The following UBE2D1 variants were observed in gnomAD, a reference collection of about 807,000 sequenced individuals.
UBE2D1 encodes ubiquitin conjugating enzyme E2 D1.
In UBE2D1, 9 loss-of-function variants were observed where a neutral mutation model predicts 24.6. The ratio of observed to expected loss-of-function variants is 0.37; its 90% confidence interval spans 0.22 to 0.64. The LOEUF (loss-of-function observed/expected upper bound fraction) is 0.64, where lower values mean the gene tolerates loss of function less well. Among genes scored for constraint, UBE2D1 ranks in the 30% least tolerant of loss-of-function variants. The probability of loss-of-function intolerance (pLI) is 0.64; values close to 1 mark genes in which losing one functional copy is unlikely to be tolerated. For synonymous variants in UBE2D1, 57 were observed against 57.6 expected (o/e 0.99, Z 0.04); for missense variants, 87 against 177.1 (o/e 0.49, Z 2.89).
At position 58,370,664 on chromosome 10, in the gene UBE2D1, A is replaced by AAC. The variant is rs1491445202; in HGVS notation, c.*1900_*1901insCA. ...TTTCTTGAATATCTTCACTTTAAAC[A>AAC]AAAAAAAAAAACAACTTTCATTTGT... On this transcript the variant is annotated 3_prime_UTR_variant, in exon 7 of 7. Coordinates refer to ENST00000373910, the MANE Select transcript of UBE2D1 (RefSeq NM_003338.5). The AAC allele has an allele frequency of 8.7e-5, 3 of 34,426 alleles. No homozygotes were observed. The highest frequency in any genetic ancestry group is 5.7e-4 in the African/African-American group (3 of 5,234). The allele number at this position is 34,426 out of a possible 1,614,324, so 2.1% of individuals were successfully genotyped here. A position where few individuals can be genotyped will look rare whatever the true frequency, so the allele number is the denominator to read the frequency against.
At chr10:58,344,053 T>A (rs1426754012) in intron 1 of UBE2D1, among the ~76,000 whole-genome samples, 1 of 152,174 alleles carries the variant, frequency 6.6e-6, no homozygotes. Context: ...TCCTGTAAAG[T>A]TTTTCTTGAC....
intron 5 of UBE2D1, among the ~76,000 whole-genome samples, chr10:58,367,302 A>T (rs1017048200): frequency 6.3e-4 from 95 of 149,736 alleles, no homozygotes; most frequent in African/African-American, 2.2e-3. Context: ...TTAGATCGTT[A>T]GTGTGTGTGT....
intron 1 of UBE2D1, among the ~76,000 whole-genome samples, chr10:58,356,116 T>G (rs1182538274): frequency 6.6e-6 from 1 of 152,140 alleles, no homozygotes; most frequent in South Asian, 2.1e-4. Flanking sequence ...AGTGGGATAT[T>G]TTATCTTTTA....
At chr10:58,368,087 C>T in intron 6 of UBE2D1, 71 bp downstream of exon 6, 1 of 1,077,276 alleles carries the variant, frequency 9.3e-7, no homozygotes. Context: ...CGAATATTAT[C>T]AATATGTTTT....
intron 1 of UBE2D1, among the ~76,000 whole-genome samples, chr10:58,349,242 TC>T (rs1258339429): frequency 1.3e-5 from 2 of 152,180 alleles, no homozygotes; most frequent in Non-Finnish European, 2.9e-5. Flanking sequence ...TTTAGATACT[TC>T]TAGCTAGTTT....
rs750452607 is a variant in UBE2D1 at position 58,363,709 on chromosome 10, T to C, written c.198+23T>C. 4 of 1,515,088 alleles carry C rather than the reference T, an allele frequency of 2.6e-6. No individual in the cohort carries two copies. In the South Asian group the frequency reaches 4.6e-5, roughly 17 times the overall value. 93.9% of individuals were successfully genotyped at this position (1,515,088 alleles called of 1,614,324 possible). ...AAGGTATTTTTATTTTTATGATTGA[T>C]GTGACTCCCATGTAAGAGATTTTAT... is the stretch of plus-strand genomic sequence containing the variant. On this transcript the variant is annotated intron_variant, in intron 4 of 6. Transcript: ENST00000373910.
chr10:58,368,811 G>T lies in UBE2D1; in HGVS notation c.*46G>T, dbSNP rs768809006. 8 of 1,387,716 alleles carry T rather than the reference G, an allele frequency of 5.8e-6. 1 individual carries two copies. Among genetic ancestry groups the T allele is most frequent in the South Asian group, 5.5e-5 (4 of 72,574 alleles). The allele number at this position is 1,387,716 out of a possible 1,614,324, so 86.0% of individuals were successfully genotyped here. A position where few individuals can be genotyped will look rare whatever the true frequency, so the allele number is the denominator to read the frequency against. ...TATACCAGAGTACTGTAAAATCTAG[G>T]TTTTTTTCAACATTAGCAGTAAATT... is the stretch of plus-strand genomic sequence containing the variant. On this transcript the variant is annotated 3_prime_UTR_variant, in exon 7 of 7. Transcript: ENST00000373910.
intron 1 of UBE2D1, among the ~76,000 whole-genome samples, chr10:58,352,768 T>G (rs1443210785): frequency 6.6e-6 from 1 of 152,192 alleles, no homozygotes; most frequent in Non-Finnish European, 1.5e-5. Flanking sequence ...ATATATCAGT[T>G]TCTATTTTTG....
At position 58,369,423 on chromosome 10, in the gene UBE2D1, T is replaced by A. The variant is rs924033725; in HGVS notation, c.*658T>A. ...AACACTTGTTTTGATTTTGTTATAC[T>A]TGACTTAACTTTATTGCAATGTGAA... On this transcript the variant is annotated 3_prime_UTR_variant, in exon 7 of 7. Coordinates refer to ENST00000373910, the MANE Select transcript of UBE2D1 (RefSeq NM_003338.5). 2.6e-5 allele frequency: 4 copies of A among 152,076 alleles called. No individual in the cohort carries two copies. Among genetic ancestry groups the A allele is most frequent in the African/African-American group, 7.2e-5 (3 of 41,412 alleles). 9.4% of individuals were successfully genotyped at this position (152,076 alleles called of 1,614,324 possible). A position where few individuals can be genotyped will look rare whatever the true frequency, so the allele number is the denominator to read the frequency against.
chr10:58,356,779 T>A (rs1564560756), intron 1 of UBE2D1, among the ~76,000 whole-genome samples: 1 of 152,240 alleles, frequency 6.6e-6, no homozygotes, highest in Non-Finnish European at 1.5e-5. Context: ...TTGTGGGTGC[T>A]TAACTATACA....
chr10:58,367,758 A>T (rs1373439863), intron 5 of UBE2D1, among the ~76,000 whole-genome samples, 165 bp from the exon 6 acceptor site: 1 of 152,168 alleles, frequency 6.6e-6, no homozygotes, highest in Non-Finnish European at 1.5e-5. Context: ...AAAATTAAAG[A>T]TCAATTTGCT....
rs550338479 is a variant in UBE2D1, at chr10:58,367,410, A to G, written c.305-513A>G. Among the ~76,000 whole-genome samples, 223 of 152,312 alleles carry G rather than the reference A, an allele frequency of 1.5e-3. 2 individuals carry two copies. The highest frequency in any genetic ancestry group is 5.2e-3 in the African/African-American group (216 of 41,570). ...ATTTCTTTTTTAAAATATGCAAGCT[A>G]TATAAAGATAGCTGTTCACATTATT... is the stretch of plus-strand genomic sequence containing the variant. On this transcript the variant is annotated intron_variant, in intron 5 of 6. Coordinates refer to ENST00000373910, the MANE Select transcript of UBE2D1 (RefSeq NM_003338.5).
intron 1 of UBE2D1, among the ~76,000 whole-genome samples, chr10:58,358,877 C>T (rs1190654040): frequency 6.6e-6 from 1 of 151,632 alleles, no homozygotes; most frequent in Non-Finnish European, 1.5e-5. Flanking sequence ...CCTCCTGCCT[C>T]AGCCTCCCAA....
At chr10:58,363,774 G>A (rs1840225553) in intron 4 of UBE2D1, 88 bp downstream of exon 4, 2 of 984,788 alleles carry the variant, frequency 2.0e-6, no homozygotes, top group East Asian at 2.6e-5. Context: ...GAGCTCATTT[G>A]ATATGTCAAA....
At chr10:58,355,717 G>T (rs1840124322) in intron 1 of UBE2D1, among the ~76,000 whole-genome samples, 2 of 152,128 alleles carry the variant, frequency 1.3e-5, no homozygotes, top group African/African-American at 4.8e-5. Context: ...TTACAAAAAA[G>T]TTGTTAAAAT....
intron 1 of UBE2D1, 105 bp from the exon 2 acceptor site, chr10:58,361,233 G>A (rs750254275): frequency 1.4e-4 from 157 of 1,160,116 alleles, no homozygotes; most frequent in Admixed American, 2.5e-4. Context: ...GAATAGAACT[G>A]CTTTAAATGT....
chr10:58,355,470 C>T (rs542535052), intron 1 of UBE2D1, among the ~76,000 whole-genome samples: 3 of 152,118 alleles, frequency 2.0e-5, no homozygotes, highest in South Asian at 4.1e-4. Context: ...TGGGAAGCAA[C>T]GTAATGGGTT....
intron 1 of UBE2D1, chr10:58,360,817 T>G: frequency 2.9e-6 from 1 of 340,662 alleles, no homozygotes; most frequent in African/African-American, 2.2e-5. Flanking sequence ...GGGGTAGGAG[T>G]GGGGGCCTGA....
intron 3 of UBE2D1, among the ~76,000 whole-genome samples, chr10:58,361,755 T>A (rs1195194904): frequency 2.0e-5 from 3 of 151,964 alleles, no homozygotes; most frequent in African/African-American, 7.2e-5. Flanking sequence ...TCATTACACA[T>A]AATGGAGTGC....
Sources: gnomAD v4.1 joint callset for allele counts (sites outside exome capture counted in the v4.1 genomes callset) on GRCh38, gnomAD v4.1.1 for gene constraint, MANE v1.5 for transcripts, NCBI Gene and HGNC (gene_info 2026-07-23, HGNC 2026-07-21) for gene names.